The following GRM7 variants were observed in gnomAD, a reference collection of about 807,000 sequenced individuals.
GRM7 encodes glutamate metabotropic receptor 7.
GRM7 carries 35 observed loss-of-function variants against 84.5 expected under a neutral mutation model. The ratio of observed to expected loss-of-function variants is 0.41; its 90% confidence interval spans 0.32 to 0.55. The LOEUF (loss-of-function observed/expected upper bound fraction) is 0.55. Ranked by LOEUF, GRM7 falls within the 20% of genes least tolerant of loss-of-function variation. The pLI is 0.19. For synonymous variants in GRM7, 487 were observed against 455.1 expected, an observed-to-expected ratio of 1.07 and a Z score of -0.89; for missense variants, 1,003 against 1,194.6, an observed-to-expected ratio of 0.84 and a Z score of 2.36.
intron 4 of GRM7, among the ~76,000 whole-genome samples, chr3:7,343,473 T>G (rs1370681450): frequency 6.6e-6 from 1 of 152,074 alleles, no homozygotes; most frequent in South Asian, 2.1e-4. Context: ...CTTGGCATCC[T>G]AAAGTGCTGG....
At chr3:7,662,704 C>A (rs67697479) in intron 8 of GRM7, among the ~76,000 whole-genome samples, 63,382 of 151,982 alleles carry the variant, frequency 0.42, 14,670 homozygotes, top group Non-Finnish European at 0.53. Context: ...TAGCAAAAAG[C>A]GTAAAGAGAA....
intron 2 of GRM7, among the ~76,000 whole-genome samples, chr3:7,236,243 A>G (rs2124910143): frequency 6.6e-6 from 1 of 152,354 alleles, no homozygotes; most frequent in South Asian, 2.1e-4. Context: ...AGAGAGAAAC[A>G]TACATTCAAA....
chr3:7,093,240 T>A (rs1698730059), intron 1 of GRM7, among the ~76,000 whole-genome samples: 1 of 151,994 alleles, frequency 6.6e-6, no homozygotes, highest in Non-Finnish European at 1.5e-5. Flanking sequence ...TAAGGCCCAG[T>A]TTGATTAATT....
chr3:7,030,757 T>C (rs1696156692), intron 1 of GRM7, among the ~76,000 whole-genome samples: 1 of 152,240 alleles, frequency 6.6e-6, no homozygotes, highest in African/African-American at 2.4e-5. Context: ...CTTGCAGTCG[T>C]ATTGAAATTT....
At chr3:6,969,295 T>G (rs1693647280) in intron 1 of GRM7, among the ~76,000 whole-genome samples, 2 of 152,176 alleles carry the variant, frequency 1.3e-5, no homozygotes, top group East Asian at 3.8e-4. Context: ...ATAAGTTGGT[T>G]TTTTACATTT....
chr3:7,072,274 A>G (rs951998992), intron 1 of GRM7, among the ~76,000 whole-genome samples: 7 of 152,122 alleles, frequency 4.6e-5, no homozygotes, highest in African/African-American at 7.2e-5. Context: ...GTCATACATG[A>G]GGTTCTGTGA....
chr3:7,254,057 G>A (rs184810219), intron 2 of GRM7, among the ~76,000 whole-genome samples: 17 of 152,262 alleles, frequency 1.1e-4, no homozygotes, highest in Admixed American at 3.3e-4. Context: ...AGGAGAGGTA[G>A]GGTATCTTCT....
chr3:6,921,586 A>G (rs547248351), intron 1 of GRM7, among the ~76,000 whole-genome samples: 4 of 152,020 alleles, frequency 2.6e-5, no homozygotes, highest in Non-Finnish European at 5.9e-5. Flanking sequence ...GTTTAAGTAC[A>G]AATCCAAAGC....
chr3:7,468,776 T>C (rs550240605), intron 7 of GRM7, among the ~76,000 whole-genome samples: 53 of 147,422 alleles, frequency 3.6e-4, no homozygotes, highest in Non-Finnish European at 7.5e-4. Flanking sequence ...GATGCTTTTG[T>C]AAGTGTCTGG....
chr3:6,868,180 A>C (rs1694999451), intron 1 of GRM7, among the ~76,000 whole-genome samples: 1 of 152,172 alleles, frequency 6.6e-6, no homozygotes, highest in Non-Finnish European at 1.5e-5. Context: ...CAGGAAAGTG[A>C]TTCTCATAGC....
intron 8 of GRM7, among the ~76,000 whole-genome samples, chr3:7,602,183 G>A (rs182169354): frequency 3.3e-5 from 5 of 151,540 alleles, no homozygotes; most frequent in Non-Finnish European, 5.9e-5. Context: ...TGATGCTTAT[G>A]AGCAGCCCTG....
At chr3:7,570,945 A>G (rs1016862301) in intron 7 of GRM7, among the ~76,000 whole-genome samples, 2 of 152,194 alleles carry the variant, frequency 1.3e-5, no homozygotes, top group African/African-American at 4.8e-5. Context: ...TCAATACTCC[A>G]TGGAAGCTCC....
intron 4 of GRM7, among the ~76,000 whole-genome samples, chr3:7,347,224 C>T (rs546581748): frequency 1.6e-4 from 25 of 152,010 alleles, no homozygotes; most frequent in Non-Finnish European, 3.4e-4. Flanking sequence ...TTGTTACTAC[C>T]GAGGTAACAC....
chr3:7,374,552 C>T (rs1165469356), intron 4 of GRM7, among the ~76,000 whole-genome samples: 1 of 151,858 alleles, frequency 6.6e-6, no homozygotes, highest in East Asian at 1.9e-4. Flanking sequence ...GATCTCGGCT[C>T]ACTGCAACCT....
At chr3:7,733,872 C>T (rs1374275468) in intron 9 of GRM7, among the ~76,000 whole-genome samples, 1 of 152,162 alleles carries the variant, frequency 6.6e-6, no homozygotes, top group Non-Finnish European at 1.5e-5. Context: ...TAAATTGTCT[C>T]ACACTGCATG....
intron 2 of GRM7, among the ~76,000 whole-genome samples, chr3:7,236,593 A>T (rs1167786744): frequency 6.6e-6 from 1 of 152,148 alleles, no homozygotes; most frequent in African/African-American, 2.4e-5. Context: ...CTCTCAAGTG[A>T]TCTTGCCCTC....
intron 2 of GRM7, among the ~76,000 whole-genome samples, chr3:7,176,229 T>TAAAAAAA (rs55732650): frequency 4.6e-3 from 290 of 63,134 alleles, no homozygotes; most frequent in East Asian, 7.2e-3. Context: ...CTATAAAAAG[T>TAAAAAAA]AAAAAAAAAA....
At chr3:7,140,339 A>G (rs1185054560) in intron 1 of GRM7, among the ~76,000 whole-genome samples, 1 of 152,012 alleles carries the variant, frequency 6.6e-6, no homozygotes, top group East Asian at 1.9e-4. Context: ...AGGATCACAC[A>G]ATGCAGGAGG....
At chr3:7,480,742 G>C (rs1363572128) in intron 7 of GRM7, among the ~76,000 whole-genome samples, 1 of 152,120 alleles carries the variant, frequency 6.6e-6, no homozygotes, top group Non-Finnish European at 1.5e-5. Flanking sequence ...TTCAAACTTT[G>C]CTGTACATTC....
Sources: allele counts gnomAD v4.1 joint callset (sites outside exome capture counted in the v4.1 genomes callset), GRCh38; gene constraint gnomAD v4.1.1; transcripts MANE v1.5; gene names NCBI Gene and HGNC (gene_info 2026-07-23, HGNC 2026-07-21).